ACTMAP: variants seen among roughly 807,000 people sequenced by gnomAD.
The protein encoded by ACTMAP is actin maturation protease, also known as UPF0692 protein C19orf54.
At chr19:40,744,830 G>GTC in the ACTMAP span, 3 of 1,280,756 alleles carry the variant, frequency 2.3e-6, no homozygotes, top group Non-Finnish European at 3.1e-6. Flanking sequence ...CTTCAGGGGA[G>GTC]AGCCCAGGGC....
chr19:40,749,609 T>C, the ACTMAP span: 1 of 1,550,412 alleles, frequency 6.4e-7, no homozygotes, highest in Non-Finnish European at 8.7e-7. Context: ...GAGCAGGCCC[T>C]GTGGCAGCGG....
chr19:40,743,295 C>T, the ACTMAP span, among the ~76,000 whole-genome samples: 6 of 150,968 alleles, frequency 4.0e-5, no homozygotes, highest in East Asian at 7.8e-4. Flanking sequence ...TGCAGTGGCA[C>T]GATCTCAGCT....
chr19:40,744,467 G>T, the ACTMAP span: 1 of 1,543,888 alleles, frequency 6.5e-7, no homozygotes, highest in East Asian at 2.4e-5. Flanking sequence ...AATGGAATGA[G>T]ACACCCTGAC....
the ACTMAP span, chr19:40,750,068 G>A: frequency 2.6e-6 from 1 of 389,308 alleles, no homozygotes. Context: ...GTACCGGTTG[G>A]GTTACCTCGG....
the ACTMAP span, chr19:40,742,583 G>A: frequency 9.9e-6 from 16 of 1,608,268 alleles, no homozygotes; most frequent in African/African-American, 1.3e-5. Flanking sequence ...GGACCTGGTC[G>A]TAGTCCCACA....
the ACTMAP span, chr19:40,744,943 C>T: frequency 1.2e-6 from 1 of 814,804 alleles, no homozygotes; most frequent in Non-Finnish European, 1.9e-6. Flanking sequence ...TCGTTCATTC[C>T]TCGCATGTCC....
At chr19:40,743,929 T>C in the ACTMAP span, 1 of 1,613,940 alleles carries the variant, frequency 6.2e-7, no homozygotes, top group South Asian at 1.1e-5. Context: ...CAGTGTGCCT[T>C]GTGGCCCTTC....
At chr19:40,744,221 G>T in the ACTMAP span, 797 of 1,533,428 alleles carry the variant, frequency 5.2e-4, 3 homozygotes, top group African/African-American at 0.01. Context: ...CACACAGAGG[G>T]GGCTTGCTGC....
At chr19:40,744,158 A>G in the ACTMAP span, 1 of 1,605,936 alleles carries the variant, frequency 6.2e-7, no homozygotes, top group Non-Finnish European at 8.5e-7. Context: ...TTGGCCTGGC[A>G]GCCCAGCACC....
the ACTMAP span, chr19:40,744,508 C>T: frequency 1.2e-6 from 2 of 1,604,444 alleles, no homozygotes; most frequent in South Asian, 2.2e-5. Context: ...CCCAGCCTCT[C>T]TGGTCCCAGC....
chr19:40,743,853 G>A, the ACTMAP span: 1 of 1,594,320 alleles, frequency 6.3e-7, no homozygotes, highest in East Asian at 2.2e-5. Context: ...AGGATTAATG[G>A]AGGCCGGGGA....
At chr19:40,747,931 T>C in the ACTMAP span, among the ~76,000 whole-genome samples, 1 of 152,116 alleles carries the variant, frequency 6.6e-6, no homozygotes, top group African/African-American at 2.4e-5. Context: ...ACTCTTCCTC[T>C]TTCTGCACTA....
chr19:40,750,004 A>T, the ACTMAP span: 1 of 463,290 alleles, frequency 2.2e-6, no homozygotes, highest in South Asian at 4.5e-5. Context: ...CTCAAGTCAT[A>T]AGGCACCTGA....
chr19:40,742,300 G>T, the ACTMAP span: 1 of 888,740 alleles, frequency 1.1e-6, no homozygotes, highest in Non-Finnish European at 1.7e-6. Context: ...ACTGCAGGGG[G>T]TGGCCCTGAT....
At chr19:40,744,797 C>T in the ACTMAP span, 1 of 1,416,214 alleles carries the variant, frequency 7.1e-7, no homozygotes, top group Non-Finnish European at 9.3e-7. Flanking sequence ...CTCTCCCAGG[C>T]CAGCGAGGGA....
At chr19:40,750,413 CG>C in the ACTMAP span, 1 of 152,244 alleles carries the variant, frequency 6.6e-6, no homozygotes, top group Non-Finnish European at 1.5e-5. Context: ...GATCAGAGGC[CG>C]GTGGGCGCCG....
the ACTMAP span, chr19:40,742,584 T>C: frequency 1.2e-6 from 2 of 1,608,868 alleles, no homozygotes; most frequent in Non-Finnish European, 8.5e-7. Flanking sequence ...GACCTGGTCG[T>C]AGTCCCACAG....
At chr19:40,749,400 G>T in the ACTMAP span, 2 of 1,400,422 alleles carry the variant, frequency 1.4e-6, no homozygotes, top group South Asian at 1.3e-5. Context: ...TTGAGGACAC[G>T]GGAACCCCCC....
At chr19:40,743,892 A>C in the ACTMAP span, 1 of 1,613,634 alleles carries the variant, frequency 6.2e-7, no homozygotes, top group Admixed American at 1.7e-5. Context: ...CAGACAAAGG[A>C]GGGGGAACCC....
Sources: allele counts gnomAD v4.1 joint callset (sites outside exome capture counted in the v4.1 genomes callset), GRCh38; gene constraint gnomAD v4.1.1; transcripts MANE v1.5; gene names NCBI Gene and HGNC (gene_info 2026-07-23, HGNC 2026-07-21).